CRYBG3: variants seen among roughly 807,000 people sequenced by gnomAD.
CRYBG3 encodes crystallin beta-gamma domain containing 3, also known as very large A-kinase anchor protein.
Under a neutral mutation model 244.2 loss-of-function variants are expected in CRYBG3, and 127 were observed. The ratio of observed to expected loss-of-function variants is 0.52; its 90% CI spans 0.45 to 0.60. The LOEUF (loss-of-function observed/expected upper bound fraction) is 0.60. Among genes scored for constraint, CRYBG3 ranks in the 20% least tolerant of loss-of-function variants. The pLI, the probability that CRYBG3 is intolerant of heterozygous loss-of-function variation, is 0.00. For synonymous variants in CRYBG3, 1,132 were observed against 1,195.8 expected (o/e 0.95, Z 1.10); for missense variants, 3,325 against 3,442.5 (o/e 0.97, Z 0.85).
intron 9 of CRYBG3, among the ~76,000 whole-genome samples, chr3:97,888,860 G>T (rs2039539886): frequency 6.6e-6 from 1 of 152,194 alleles, no homozygotes. Flanking sequence ...GACAGTGCAT[G>T]TGAGAAAAAG....
At chr3:97,919,713 T>C (rs1441670777) in intron 17 of CRYBG3, among the ~76,000 whole-genome samples, 1 of 110,088 alleles carries the variant, frequency 9.1e-6, no homozygotes, top group Non-Finnish European at 2.1e-5. Context: ...AATAAAATGA[T>C]TAAAAAAAAA....
intron 17 of CRYBG3, among the ~76,000 whole-genome samples, chr3:97,930,104 T>G (rs1324820101): frequency 2.0e-5 from 3 of 152,064 alleles, no homozygotes; most frequent in Non-Finnish European, 2.9e-5. Context: ...GCTTCTAGAT[T>G]TTTTCCCCCT....
chr3:97,899,464 A>G (rs1276544738), intron 14 of CRYBG3, among the ~76,000 whole-genome samples: 1 of 152,106 alleles, frequency 6.6e-6, no homozygotes, highest in Admixed American at 6.5e-5. Context: ...TTGTAATTTG[A>G]TCAGTTCATT....
At chr3:97,893,226 G>A (rs1028737822) in intron 11 of CRYBG3, among the ~76,000 whole-genome samples, 1 of 152,142 alleles carries the variant, frequency 6.6e-6, no homozygotes, top group African/African-American at 2.4e-5. Flanking sequence ...GCAGCACCTT[G>A]TATTTCTGAA....
chr3:97,923,668 G>A (rs2040009006), intron 17 of CRYBG3, among the ~76,000 whole-genome samples: 1 of 151,970 alleles, frequency 6.6e-6, no homozygotes, highest in Non-Finnish European at 1.5e-5. Flanking sequence ...AATTATTAGG[G>A]CTAAAGCACA....
In CRYBG3 at chr3:97,896,000, T is replaced by A; in HGVS notation, c.7616T>A (p.Phe2539Tyr). The change falls in exon 12 of 22, where the codon TTT becomes TAT. Residue 2539 changes from phenylalanine to tyrosine, a missense_variant. Phe to Tyr is a conservative substitution (Grantham distance 22). Transcript: ENST00000389622. ...YEKEHFKGQQ[F>Y]LLEEGDFEDS... is the part of the protein sequence containing the mutation. ...AAAGAACATTTTAAAGGCCAGCAGT[T>A]TCTGCTTGAAGAAGGAGACTTTGAA... 6.2e-7 allele frequency: 1 copy of A among 1,613,656 alleles called. No homozygotes were observed. Among genetic ancestry groups the A allele is most frequent in the Non-Finnish European group, 8.5e-7 (1 of 1,179,714 alleles).
At chr3:97,842,964 G>A (rs2038844202) in intron 1 of CRYBG3, among the ~76,000 whole-genome samples, 1 of 152,106 alleles carries the variant, frequency 6.6e-6, no homozygotes, top group Non-Finnish European at 1.5e-5. Flanking sequence ...ATCTGTGTAA[G>A]AAAATATGAG....
intron 1 of CRYBG3, among the ~76,000 whole-genome samples, chr3:97,834,970 A>G (rs1259661404): frequency 2.0e-5 from 3 of 152,180 alleles, no homozygotes; most frequent in East Asian, 1.9e-4. Context: ...TCAGAAACAT[A>G]TATCATTCTT....
intron 15 of CRYBG3, among the ~76,000 whole-genome samples, chr3:97,911,108 G>A (rs530478311): frequency 6.6e-6 from 1 of 152,292 alleles, no homozygotes; most frequent in African/African-American, 2.4e-5. Context: ...ACTGATCTTT[G>A]ATAACAGATC....
chr3:97,899,213 G>C lies in CRYBG3; in HGVS notation c.7921G>C (p.Asp2641His), dbSNP rs748743392. 3 of 1,613,176 alleles carry C rather than the reference G, an allele frequency of 1.9e-6. No individual in the cohort carries two copies. In the African/African-American group the frequency reaches 4.0e-5, roughly 22 times the overall value. The change falls in exon 14 of 22, where the codon GAC (aspartate) becomes CAC (histidine). Residue 2641 changes from aspartate (D) to histidine (H), a missense_variant. Coordinates refer to ENST00000389622, the MANE Select transcript of CRYBG3 (RefSeq NM_153605.4). ...LEKGKYKCFF[D>H]WGGSNNIIMS... ...AAAAGGGAAATACAAATGCTTTTTT[G>C]ACTGGGGAGGATCAAATAATATAAT...
At chr3:97,839,198 A>G (rs185031742) in intron 1 of CRYBG3, among the ~76,000 whole-genome samples, 3 of 152,262 alleles carry the variant, frequency 2.0e-5, no homozygotes, top group Non-Finnish European at 2.9e-5. Context: ...AACAATAGGA[A>G]CAGATTGTGG....
At chr3:97,838,862 A>C (rs1347520526) in intron 1 of CRYBG3, among the ~76,000 whole-genome samples, 1 of 152,126 alleles carries the variant, frequency 6.6e-6, no homozygotes, top group Non-Finnish European at 1.5e-5. Flanking sequence ...TTGCTTATGA[A>C]AAATATTTTG....
intron 15 of CRYBG3, among the ~76,000 whole-genome samples, chr3:97,904,011 A>T (rs1009836218): frequency 6.6e-6 from 1 of 152,182 alleles, no homozygotes; most frequent in Non-Finnish European, 1.5e-5. Flanking sequence ...GTTTTAAGCA[A>T]CCTGAGTTGT....
chr3:97,942,565 C>G lies in CRYBG3; in HGVS notation c.8824+122C>G, dbSNP rs976094562. 8.4e-6 allele frequency: 8 copies of G among 950,250 alleles called. No homozygotes were observed. The African/African-American group carries it at 1.3e-4, about 16-fold the overall frequency. The allele number at this position is 950,250 out of a possible 1,614,324, so 58.9% of individuals were successfully genotyped here. A position where few individuals can be genotyped will look rare whatever the true frequency, so the allele number is the denominator to read the frequency against. ...AAATGTTAAGTCATTTAAAATTATG[C>G]TTGAAGAAAATTAAGATAGGCAGTT... is the stretch of plus-strand genomic sequence containing the variant. On this transcript the variant is annotated intron_variant, in intron 21 of 21. Transcript: ENST00000389622.
At chr3:97,924,348 C>T (rs1219334658) in intron 17 of CRYBG3, 2 of 436,634 alleles carry the variant, frequency 4.6e-6, no homozygotes, top group African/African-American at 2.1e-5. Context: ...AGGAATCTAC[C>T]CTGATGATAC....
At chr3:97,930,186 C>T (rs2040082806) in intron 17 of CRYBG3, among the ~76,000 whole-genome samples, 3 of 152,030 alleles carry the variant, frequency 2.0e-5, no homozygotes, top group African/African-American at 7.2e-5. Context: ...GCTCTTACCC[C>T]AGCCAGCTCT....
Position 97,874,711 on chromosome 3 carries a change from G to A in CRYBG3, c.3517G>A (p.Glu1173Lys). The A allele has an allele frequency of 6.5e-7, 1 of 1,535,688 alleles. No individual in the cohort carries two copies. ...TAACAGCTCAGGCCAACAGTGTTCT[G>A]AAGCCTCTGCTGAGCACATAGAAGC... is the stretch of plus-strand genomic sequence containing the variant. The part of the protein sequence containing the change: ...SVNSSGQQCS[E>K]ASAEHIEARR... Residue 1173 changes from glutamate (E) to lysine (K), a missense_variant, in exon 4 of 22, where the codon GAA (glutamate) becomes AAA (lysine). Coordinates refer to ENST00000389622, the MANE Select transcript of CRYBG3 (RefSeq NM_153605.4).
Position 97,825,428 on chromosome 3 carries a change from T to G in CRYBG3, c.149+3073T>G, listed in dbSNP as rs567630507. Among the ~76,000 whole-genome samples the G allele has an allele frequency of 3.3e-5, 5 of 152,358 alleles. No individual in the cohort carries two copies. In the East Asian group the frequency reaches 9.6e-4, roughly 29 times the overall value. ...TATTTATCAAGGGCTGACTGTGCAC[T>G]TACTTCTGGGCTGGGTACTTTTACT... is the stretch of plus-strand genomic sequence containing the variant. On this transcript the variant is annotated intron_variant, in intron 1 of 21. Coordinates refer to ENST00000389622, the MANE Select transcript of CRYBG3 (RefSeq NM_153605.4).
At chr3:97,829,363 A>C (rs2038623544) in intron 1 of CRYBG3, among the ~76,000 whole-genome samples, 1 of 152,216 alleles carries the variant, frequency 6.6e-6, no homozygotes. Context: ...ACTTGCAGCC[A>C]CAAATATATC....
Sources: gnomAD v4.1 joint callset for allele counts (sites outside exome capture counted in the v4.1 genomes callset) on GRCh38, gnomAD v4.1.1 for gene constraint, MANE v1.5 for transcripts, NCBI Gene and HGNC (gene_info 2026-07-23, HGNC 2026-07-21) for gene names.